Variants in TENM2 observed in about 807,000 individuals in gnomAD.
The protein encoded by TENM2 is teneurin transmembrane protein 2, also known as teneurin-2.
A neutral mutation model predicts 245.2 loss-of-function variants in TENM2; 52 were observed. That is an observed-to-expected ratio of 0.21 (90% CI 0.17 to 0.27). The LOEUF (loss-of-function observed/expected upper bound fraction) is 0.27, where lower values mean the gene tolerates loss of function less well. Ranked by LOEUF, TENM2 falls within the 10% of genes least tolerant of loss-of-function variation. TENM2 has a pLI of 1.00. For synonymous variants in TENM2, 1,363 were observed against 1,438.9 expected (o/e 0.95, Z 1.19); for missense variants, 3,046 against 3,666.8 (o/e 0.83, Z 4.37).
intron 2 of TENM2, among the ~76,000 whole-genome samples, chr5:167,407,159 G>T (rs180739439): frequency 7.1e-4 from 108 of 152,200 alleles, no homozygotes; most frequent in African/African-American, 2.5e-3. Flanking sequence ...TCTTTCTCCA[G>T]TATCATTGTC....
intron 2 of TENM2, among the ~76,000 whole-genome samples, chr5:167,406,326 T>C (rs1434604621): frequency 6.6e-5 from 10 of 152,162 alleles, no homozygotes; most frequent in African/African-American, 2.4e-4. Flanking sequence ...CCTGTGGAAA[T>C]TGTATTATTC....
intron 2 of TENM2, among the ~76,000 whole-genome samples, chr5:167,504,269 G>A (rs1562008864): frequency 6.6e-6 from 1 of 152,086 alleles, no homozygotes; most frequent in Non-Finnish European, 1.5e-5. Context: ...CATGCATGAA[G>A]ATATTTATTA....
intron 7 of TENM2, among the ~76,000 whole-genome samples, chr5:168,075,200 T>C (rs1001372524): frequency 1.3e-4 from 20 of 152,198 alleles, no homozygotes; most frequent in African/African-American, 4.8e-4. Flanking sequence ...GGTTTTCCAT[T>C]CCTGAGTTAC....
the TENM2 span, among the ~76,000 whole-genome samples, chr5:167,262,387 T>G: frequency 2.1e-5 from 3 of 145,632 alleles, no homozygotes; most frequent in Admixed American, 7.0e-5. Flanking sequence ...ATTATCAAGA[T>G]GGCTTTTTTT....
chr5:167,861,248 C>T (rs1202763010), intron 2 of TENM2, among the ~76,000 whole-genome samples: 1 of 152,076 alleles, frequency 6.6e-6, no homozygotes, highest in Non-Finnish European at 1.5e-5. Flanking sequence ...GGGCAAAGGC[C>T]TCTCAGGGTT....
At chr5:168,034,287 G>A (rs1229800137) in intron 5 of TENM2, among the ~76,000 whole-genome samples, 2 of 148,668 alleles carry the variant, frequency 1.3e-5, no homozygotes, top group African/African-American at 5.0e-5. Flanking sequence ...GGTGCAGTGA[G>A]CCAAGATGGC....
intron 13 of TENM2, among the ~76,000 whole-genome samples, chr5:168,163,081 A>T (rs1757898189): frequency 6.6e-6 from 1 of 152,242 alleles, no homozygotes; most frequent in South Asian, 2.1e-4. Context: ...ACAGTCGGTG[A>T]CAATGAGGAT....
At chr5:167,658,883 A>T (rs1755023369) in intron 2 of TENM2, among the ~76,000 whole-genome samples, 1 of 152,194 alleles carries the variant, frequency 6.6e-6, no homozygotes, top group Admixed American at 6.5e-5. Context: ...GTGCAGATCA[A>T]TCCTCCCTTT....
chr5:167,222,599 GAATCACTTTTATTT>G, the TENM2 span, among the ~76,000 whole-genome samples: 1 of 143,444 alleles, frequency 7.0e-6, no homozygotes, highest in African/African-American at 2.8e-5. Context: ...CTGGAAAAAT[GAATCACTTTTATTT>G]ATGGACACTG....
At chr5:167,819,025 G>A (rs773802022) in intron 2 of TENM2, among the ~76,000 whole-genome samples, 1 of 151,746 alleles carries the variant, frequency 6.6e-6, no homozygotes, top group African/African-American at 2.4e-5. Context: ...CCAGTTTTTG[G>A]GTAGCTGGGT....
intron 2 of TENM2, among the ~76,000 whole-genome samples, chr5:167,451,353 G>A (rs909967216): frequency 2.0e-5 from 3 of 152,170 alleles, no homozygotes; most frequent in African/African-American, 4.8e-5. Context: ...GTGCTGGGAA[G>A]GAGCGATTGA....
At chr5:167,472,319 T>G (rs1767078366) in intron 2 of TENM2, among the ~76,000 whole-genome samples, 1 of 152,192 alleles carries the variant, frequency 6.6e-6, no homozygotes, top group Non-Finnish European at 1.5e-5. Flanking sequence ...TTATTGGAAA[T>G]TATAGCCAGT....
intron 1 of TENM2, among the ~76,000 whole-genome samples, chr5:167,292,770 T>TA (rs1234805497): frequency 4.6e-5 from 7 of 152,244 alleles, no homozygotes; most frequent in African/African-American, 9.6e-5. Flanking sequence ...AGGTACCTTA[T>TA]AAAAAACACT....
chr5:168,074,955 A>G (rs78956363), intron 7 of TENM2, among the ~76,000 whole-genome samples: 1,841 of 152,290 alleles, frequency 0.012, 36 homozygotes, highest in African/African-American at 0.041. Flanking sequence ...TTATTTCAAC[A>G]GATTTTGGCT....
chr5:167,552,762 T>C (rs1773034536), intron 2 of TENM2, among the ~76,000 whole-genome samples: 1 of 152,166 alleles, frequency 6.6e-6, no homozygotes, highest in Non-Finnish European at 1.5e-5. Flanking sequence ...TCTAGGGACA[T>C]AAAAAGTAAT....
At chr5:167,520,108 A>G (rs1319716384) in intron 2 of TENM2, among the ~76,000 whole-genome samples, 2 of 152,164 alleles carry the variant, frequency 1.3e-5, no homozygotes, top group Non-Finnish European at 2.9e-5. Context: ...ATCATACCAG[A>G]TATTTAATCA....
At chr5:168,118,115 A>C (rs907367808) in intron 9 of TENM2, among the ~76,000 whole-genome samples, 177 bp from the exon 12 acceptor site, 5 of 152,240 alleles carry the variant, frequency 3.3e-5, no homozygotes, top group Non-Finnish European at 5.9e-5. Context: ...AGCTGCTGTT[A>C]TCAGTAGCAC....
chr5:167,270,341 C>G, the TENM2 span, among the ~76,000 whole-genome samples: 4 of 152,112 alleles, frequency 2.6e-5, no homozygotes, highest in African/African-American at 9.7e-5. Context: ...TAATAATTGA[C>G]ATTAGTGGTG....
At chr5:168,226,197 C>G (rs1280634774) in exon 24 of TENM2, 1 of 1,613,522 alleles carries the variant, frequency 6.2e-7, no homozygotes, top group Non-Finnish European at 8.5e-7. Context: ...GAACTCCAAC[C>G]GTGATGATGA....
Sources: gnomAD v4.1 joint callset for allele counts (sites outside exome capture counted in the v4.1 genomes callset) on GRCh38, gnomAD v4.1.1 for gene constraint, MANE v1.5 for transcripts, NCBI Gene and HGNC (gene_info 2026-07-23, HGNC 2026-07-21) for gene names.